The following ATP6V1E1 variants were observed in gnomAD, a reference collection of about 807,000 sequenced individuals.
ATP6V1E1 encodes V-type proton ATPase subunit E 1.
A neutral mutation model predicts 35.2 loss-of-function variants in ATP6V1E1; 21 were observed. That is an observed-to-expected ratio of 0.60 (90% CI 0.42 to 0.86). The LOEUF (loss-of-function observed/expected upper bound fraction) is 0.86. Among genes scored for constraint, ATP6V1E1 ranks in the 40% least tolerant of loss-of-function variants. The probability of loss-of-function intolerance (pLI) is 0.00; values close to 1 mark genes in which losing one functional copy is unlikely to be tolerated. For synonymous variants in ATP6V1E1, 83 were observed against 87.8 expected, an observed-to-expected ratio of 0.95 and a Z score of 0.30; for missense variants, 183 against 272.6, an observed-to-expected ratio of 0.67 and a Z score of 2.32.
chr22:17,605,958 C>A (rs2057785015), intron 4 of ATP6V1E1, among the ~76,000 whole-genome samples: 1 of 144,426 alleles, frequency 6.9e-6, no homozygotes, highest in Non-Finnish European at 1.5e-5. Flanking sequence ...TGGTGCCTGG[C>A]CTTCTCCTAC....
chr22:17,615,017 T>A (rs1378212925), intron 2 of ATP6V1E1, among the ~76,000 whole-genome samples: 1 of 151,148 alleles, frequency 6.6e-6, no homozygotes, highest in Non-Finnish European at 1.5e-5. Context: ...AAATATAAAT[T>A]ATGGGCTGGG....
rs66549570 is a variant in ATP6V1E1, at chr22:17,604,526, C to CT, written c.277-3346dup. ...GTGGGCATTTATTTCTTTGTTTTCTCTTTTTTTTTTTGAGACGGAGTCTCG... is the reference window on the plus strand; with the variant it reads ...GTGGGCATTTATTTCTTTGTTTTCTCTTTTTTTTTTTTGAGACGGAGTCTCG... On this transcript the variant is annotated intron_variant, in intron 4 of 8. Transcript: ENST00000253413. Among the ~76,000 whole-genome samples, 504 of 144,864 alleles carry CT rather than the reference C, an allele frequency of 3.5e-3. 6 individuals carry two copies. The highest frequency in any genetic ancestry group is 4.5e-3 in the African/African-American group (176 of 39,382).
intron 1 of ATP6V1E1, among the ~76,000 whole-genome samples, chr22:17,627,847 AAC>A (rs1273659037): frequency 6.6e-6 from 1 of 150,874 alleles, no homozygotes; most frequent in Non-Finnish European, 1.5e-5. Flanking sequence ...AAAAGAAAAA[AAC>A]ACAGTTCATA....
At chr22:17,621,045 G>C (rs1052787017) in intron 1 of ATP6V1E1, among the ~76,000 whole-genome samples, 2 of 152,024 alleles carry the variant, frequency 1.3e-5, no homozygotes, top group African/African-American at 4.8e-5. Flanking sequence ...CTGGGCGACA[G>C]AGCGAGACTC....
chr22:17,604,151 G>A (rs2057774261), intron 4 of ATP6V1E1, among the ~76,000 whole-genome samples: 2 of 152,102 alleles, frequency 1.3e-5, no homozygotes, highest in South Asian at 2.1e-4. Flanking sequence ...ATGTCACCAC[G>A]GGAGAGAAAG....
intron 2 of ATP6V1E1, among the ~76,000 whole-genome samples, chr22:17,618,742 G>A (rs2057859548): frequency 6.6e-6 from 1 of 151,432 alleles, no homozygotes; most frequent in Admixed American, 6.6e-5. Flanking sequence ...TTTCACACCT[G>A]TAATCCCAGC....
chr22:17,609,534 T>A (rs2057804543), intron 4 of ATP6V1E1, among the ~76,000 whole-genome samples: 1 of 143,046 alleles, frequency 7.0e-6, no homozygotes, highest in African/African-American at 2.7e-5. Flanking sequence ...AGTGGTGCGA[T>A]CTCAGCTCAC....
At position 17,619,542 on chromosome 22, in the gene ATP6V1E1, GT is replaced by G; in HGVS notation, c.34-17del. On this transcript the variant is annotated splice_polypyrimidine_tract_variant and intron_variant, in intron 1 of 8. Coordinates refer to ENST00000253413, the MANE Select transcript of ATP6V1E1 (RefSeq NM_001696.4). ...TATGCTTTATCTATAAGGAAAAAAA[GT>G]TTTATTTTTTAGTTCAAAAATATGG... 1 of 1,555,944 alleles carries G rather than the reference GT, an allele frequency of 6.4e-7. No homozygotes were observed. The highest frequency in any genetic ancestry group is 8.7e-7 in the Non-Finnish European group (1 of 1,152,288).
chr22:17,599,196 T>C (rs947048063), intron 6 of ATP6V1E1, among the ~76,000 whole-genome samples: 8 of 151,852 alleles, frequency 5.3e-5, no homozygotes, highest in Non-Finnish European at 1.0e-4. Context: ...TGAAGATGGA[T>C]GGTGGTGATG....
At chr22:17,592,798 A>AAC in intron 8 of ATP6V1E1, 62 bp from the exon 9 acceptor site, 2 of 1,158,598 alleles carry the variant, frequency 1.7e-6, no homozygotes, top group Non-Finnish European at 2.4e-6. Flanking sequence ...AGCGCTGCAC[A>AAC]TCTTTTTTTT....
chr22:17,611,403 T>C (rs187762521), intron 4 of ATP6V1E1, among the ~76,000 whole-genome samples: 9 of 152,336 alleles, frequency 5.9e-5, no homozygotes, highest in Non-Finnish European at 1.0e-4. Context: ...TCAAAGCAGA[T>C]AAAGCACTTA....
chr22:17,614,311 C>G lies in ATP6V1E1; in HGVS notation c.100-991G>C, dbSNP rs1047166164. On this transcript the variant is annotated intron_variant, in intron 2 of 8. Coordinates refer to ENST00000253413, the MANE Select transcript of ATP6V1E1 (RefSeq NM_001696.4). ...GTTGCAGTGAGCCGAGATCGTGCCA[C>G]TGCACTCTAGCTTAGGGAAGAAGAG... is the stretch of plus-strand genomic sequence containing the variant. 1.1e-4 allele frequency among the ~76,000 whole-genome samples: 16 copies of G among 148,944 alleles called. 1 individual carries two copies. Among genetic ancestry groups the G allele is most frequent in the Admixed American group, 8.7e-4 (13 of 14,860 alleles).
intron 1 of ATP6V1E1, among the ~76,000 whole-genome samples, chr22:17,626,035 G>A (rs928649424): frequency 2.0e-5 from 3 of 151,954 alleles, no homozygotes; most frequent in Non-Finnish European, 4.4e-5. Context: ...GGCCAGGCGC[G>A]GTAGCTCATG....
intron 1 of ATP6V1E1, among the ~76,000 whole-genome samples, chr22:17,626,329 G>A (rs80128379): frequency 5.1e-3 from 638 of 124,630 alleles, no homozygotes; most frequent in Non-Finnish European, 6.5e-3. Flanking sequence ...AAAAAAAAAA[G>A]AAAGAAAAGA....
chr22:17,592,599 T>G lies in ATP6V1E1; in HGVS notation c.*75A>C. On this transcript the variant is annotated 3_prime_UTR_variant, in exon 9 of 9. Coordinates refer to ENST00000253413, the MANE Select transcript of ATP6V1E1 (RefSeq NM_001696.4). ...CAGTGAAGAGGAAGCTACAGAGACA[T>G]TCGTGTTTCTTCAAATATCAGAAGC... The G allele has an allele frequency of 6.9e-7, 1 of 1,448,360 alleles. No homozygotes were observed. 89.7% of individuals were successfully genotyped at this position (1,448,360 alleles called of 1,614,324 possible).
chr22:17,599,987 G>GGGGA (rs777764897), intron 6 of ATP6V1E1, 40 bp downstream of exon 6: 11 of 1,232,756 alleles, frequency 8.9e-6, no homozygotes, highest in South Asian at 3.6e-5. Flanking sequence ...GAAAGGGAGG[G>GGGGA]GGGAGGGAGG....
chr22:17,624,276 C>A (rs921999604), intron 1 of ATP6V1E1, among the ~76,000 whole-genome samples: 13 of 152,146 alleles, frequency 8.5e-5, no homozygotes, highest in African/African-American at 3.1e-4. Flanking sequence ...AAAAAATAGG[C>A]CGGGTGCAGT....
At chr22:17,600,960 G>GA (rs980351575) in intron 5 of ATP6V1E1, 132 bp downstream of exon 5, 1,102 of 701,388 alleles carry the variant, frequency 1.6e-3, no homozygotes, top group Middle Eastern at 2.2e-3. Context: ...AAAGCTAAAA[G>GA]AAAAAAAAAG....
chr22:17,601,236 A>ATGTGT, intron 4 of ATP6V1E1, 55 bp from the exon 5 acceptor site: 4 of 1,471,980 alleles, frequency 2.7e-6, no homozygotes, highest in Non-Finnish European at 3.8e-6. Flanking sequence ...GTCGGCTCAG[A>ATGTGT]ACCCACTGTG....
Sources: allele counts gnomAD v4.1 joint callset (sites outside exome capture counted in the v4.1 genomes callset), GRCh38; gene constraint gnomAD v4.1.1; transcripts MANE v1.5; gene names NCBI Gene and HGNC (gene_info 2026-07-23, HGNC 2026-07-21).